Variants in SRPK2 observed in about 807,000 individuals in gnomAD.
SRPK2 encodes SRSF protein kinase 2.
Under a neutral mutation model 90.8 loss-of-function variants are expected in SRPK2, and 21 were observed. The ratio of observed to expected loss-of-function variants is 0.23; its 90% confidence interval spans 0.16 to 0.33. SRPK2 has a LOEUF of 0.33. SRPK2 is among the 10% of genes least tolerant of loss of function. The probability of loss-of-function intolerance (pLI) is 1.00; values close to 1 mark genes in which losing one functional copy is unlikely to be tolerated. For synonymous variants in SRPK2, 288 were observed against 311.1 expected, an observed-to-expected ratio of 0.93 and a Z score of 0.78; for missense variants, 620 against 869.0, an observed-to-expected ratio of 0.71 and a Z score of 3.60.
chr7:105,292,968 C>T (rs1301153512), intron 2 of SRPK2, among the ~76,000 whole-genome samples: 2 of 152,164 alleles, frequency 1.3e-5, no homozygotes. Context: ...ACAACTGTAG[C>T]TTCCAAGTGG....
intron 15 of SRPK2, among the ~76,000 whole-genome samples, chr7:105,120,934 A>C (rs1325081284): frequency 6.6e-6 from 1 of 152,240 alleles, no homozygotes; most frequent in Non-Finnish European, 1.5e-5. Flanking sequence ...GATGATGCCC[A>C]AGAAATGTAG....
At chr7:105,167,873 A>G (rs1422098095) in intron 5 of SRPK2, 135 bp downstream of exon 5, 2 of 678,712 alleles carry the variant, frequency 2.9e-6, no homozygotes, top group Non-Finnish European at 4.9e-6. Flanking sequence ...GGCCTCCCAA[A>G]GTGCTGAGAT....
Position 105,331,697 on chromosome 7 carries a change from A to G in SRPK2, c.71+56951T>C, listed in dbSNP as rs537393431. On this transcript the variant is annotated intron_variant, in intron 2 of 15. Transcript: ENST00000393651. ...CCCTCACCTCACAGAACTGAAATCT[A>G]CCGGAAAACACAGTAAATAGCACAA... Among the ~76,000 whole-genome samples, 12 of 152,296 alleles carry G rather than the reference A, an allele frequency of 7.9e-5. No individual in the cohort carries two copies. In the East Asian group the frequency reaches 2.3e-3, roughly 29 times the overall value.
chr7:105,133,191 T>A (rs1167797221), intron 11 of SRPK2, 87 bp from the exon 12 acceptor site: 2 of 1,233,488 alleles, frequency 1.6e-6, no homozygotes, highest in Non-Finnish European at 2.4e-6. Flanking sequence ...TCAGTCTCCT[T>A]TCCTCAAGAG....
In SRPK2 at chr7:105,169,217, T is replaced by C. The variant is rs1272786652; in HGVS notation, c.278A>G (p.His93Arg). The C allele has an allele frequency of 6.2e-7, 1 of 1,613,916 alleles. No homozygotes were observed. The highest frequency in any genetic ancestry group is 8.5e-7 in the Non-Finnish European group (1 of 1,179,948). ...CCCCCATCCAAGCTTTCTAATAACA[T>C]GATACCGGCCATTGAAGAGGTCTCC... is the stretch of plus-strand genomic sequence containing the variant. ...KIGDLFNGRY[H>R]VIRKLGWGHF... Residue 93 changes from histidine (H) to arginine (R), a missense_variant, in exon 4 of 16, where the codon CAT becomes CGT. Transcript: ENST00000393651.
At chr7:105,149,534 T>A (rs907183538) in intron 7 of SRPK2, among the ~76,000 whole-genome samples, 2 of 152,208 alleles carry the variant, frequency 1.3e-5, no homozygotes, top group African/African-American at 4.8e-5. Context: ...GTCCTTGGTA[T>A]GCTGGGCGCC....
At chr7:105,331,308 C>CAAAAAAAA (rs57653042) in intron 2 of SRPK2, among the ~76,000 whole-genome samples, 1,039 of 45,046 alleles carry the variant, frequency 0.023, 250 homozygotes, top group African/African-American at 0.069. Flanking sequence ...GACTCCGTCT[C>CAAAAAAAA]AAAAAAAAAA....
chr7:105,147,625 CACT>C (rs1162578268), intron 7 of SRPK2, among the ~76,000 whole-genome samples: 1 of 152,142 alleles, frequency 6.6e-6, no homozygotes, highest in Non-Finnish European at 1.5e-5. Flanking sequence ...CAACTACCAC[CACT>C]ATTTAAATGA....
rs117093145 is a variant in SRPK2 at position 105,322,898 on chromosome 7, C to T, written c.71+65750G>A. Among the ~76,000 whole-genome samples the T allele has an allele frequency of 2.8e-3, 428 of 152,234 alleles. 10 individuals are homozygous for T. In the East Asian group the frequency reaches 0.055, roughly 19 times the overall value. On this transcript the variant is annotated intron_variant, in intron 2 of 15. Transcript: ENST00000393651. ...AGCCTGGGTGCAGCTGGAGACAAAA[C>T]ACAGGATCAAAAATGTCCAGCCAGA...
At chr7:105,244,710 A>G in intron 2 of SRPK2, 1 of 1,154,106 alleles carries the variant, frequency 8.7e-7, no homozygotes, top group Non-Finnish European at 1.3e-6. Flanking sequence ...GTGACCAAGA[A>G]CGTGAGCGAG....
intron 2 of SRPK2, among the ~76,000 whole-genome samples, chr7:105,322,477 C>T (rs891809052): frequency 2.6e-5 from 4 of 152,044 alleles, no homozygotes; most frequent in African/African-American, 7.2e-5. Context: ...AGAAGCCAGA[C>T]ACAAAAGGTC....
At chr7:105,125,497 T>C (rs979086162) in intron 15 of SRPK2, among the ~76,000 whole-genome samples, 15 of 152,350 alleles carry the variant, frequency 9.8e-5, no homozygotes, top group African/African-American at 3.4e-4. Context: ...TCTAGCTGGC[T>C]TTTAACAATC....
chr7:105,356,424 G>C (rs1025471179), intron 2 of SRPK2, among the ~76,000 whole-genome samples: 1 of 152,038 alleles, frequency 6.6e-6, no homozygotes, highest in African/African-American at 2.4e-5. Context: ...ATGGAATCTG[G>C]GCAGCTGAAA....
At chr7:105,270,496 C>T (rs951406781) in intron 2 of SRPK2, among the ~76,000 whole-genome samples, 1 of 151,626 alleles carries the variant, frequency 6.6e-6, no homozygotes, top group Non-Finnish European at 1.5e-5. Context: ...CAACCTCCGC[C>T]TCCCGGGTTC....
intron 2 of SRPK2, chr7:105,268,853 A>G: frequency 6.3e-7 from 1 of 1,589,336 alleles, no homozygotes; most frequent in Non-Finnish European, 8.6e-7. Flanking sequence ...TCAGCAGCTC[A>G]ATCTTCTGCT....
chr7:105,184,471 T>G (rs1793316703), intron 3 of SRPK2, among the ~76,000 whole-genome samples: 1 of 152,206 alleles, frequency 6.6e-6, no homozygotes, highest in African/African-American at 2.4e-5. Context: ...GTTAAGACGC[T>G]TAATAGTATT....
chr7:105,347,250 C>T (rs1816573408), intron 2 of SRPK2, among the ~76,000 whole-genome samples: 1 of 151,892 alleles, frequency 6.6e-6, no homozygotes, highest in Non-Finnish European at 1.5e-5. Flanking sequence ...TTAGTAGAGA[C>T]AGGGTCTTGC....
upstream of SRPK2, among the ~76,000 whole-genome samples, chr7:105,390,755 TTTTTGTTTTG>T (rs983403199): frequency 6.6e-6 from 1 of 151,988 alleles, no homozygotes; most frequent in Non-Finnish European, 1.5e-5. Flanking sequence ...ACCCAGCCTT[TTTTTGTTTTG>T]TTTTGTTTTG....
Position 105,388,920 on chromosome 7 carries a change from C to T in SRPK2, c.-114G>A. ...GGCCGGGAGGAGACGAGAACCGCGCCTGCGCCGCCGCCGCCGCCGCCGCTC... is the reference window on the plus strand; with the variant it reads ...GGCCGGGAGGAGACGAGAACCGCGCTTGCGCCGCCGCCGCCGCCGCCGCTC... On this transcript the variant is annotated 5_prime_UTR_variant, in exon 1 of 16. Transcript: ENST00000393651. 1 of 1,210,406 alleles carries T rather than the reference C, an allele frequency of 8.3e-7. No individual in the cohort carries two copies. Among genetic ancestry groups the T allele is most frequent in the Non-Finnish European group, 1.0e-6 (1 of 977,196 alleles). 75.0% of individuals were successfully genotyped at this position (1,210,406 alleles called of 1,614,324 possible). A position where few individuals can be genotyped will look rare whatever the true frequency, so the allele number is the denominator to read the frequency against.
Sources: allele counts gnomAD v4.1 joint callset (sites outside exome capture counted in the v4.1 genomes callset), GRCh38; gene constraint gnomAD v4.1.1; transcripts MANE v1.5; gene names NCBI Gene and HGNC (gene_info 2026-07-23, HGNC 2026-07-21).